The following ABCC1 variants were observed in gnomAD, a reference collection of about 807,000 sequenced individuals.
ABCC1 encodes the protein multidrug resistance-associated protein 1.
ABCC1 carries 83 observed loss-of-function variants against 172.9 expected under a neutral mutation model. That is an observed-to-expected ratio of 0.48 (90% CI 0.40 to 0.58). ABCC1 has a LOEUF of 0.58. ABCC1 is among the 20% of genes least tolerant of loss of function. The pLI, the probability that ABCC1 is intolerant of heterozygous loss-of-function variation, is 0.00. For missense variants in ABCC1, 1,817 were observed against 2,002.7 expected (o/e 0.91, Z 1.77); for synonymous variants, 937 against 825.2 (o/e 1.14, Z -2.32).
At chr16:16,031,039 A>T (rs2048542060) in intron 5 of ABCC1, among the ~76,000 whole-genome samples, 1 of 151,934 alleles carries the variant, frequency 6.6e-6, no homozygotes, top group Non-Finnish European at 1.5e-5. Context: ...GGTAGAGACG[A>T]GGTTTCATCA....
chr16:16,116,655 C>T (rs1037470903), intron 23 of ABCC1, among the ~76,000 whole-genome samples: 3 of 151,984 alleles, frequency 2.0e-5, no homozygotes, highest in Non-Finnish European at 2.9e-5. Context: ...ATCTGCCTCC[C>T]GGGTTCAAGT....
intron 22 of ABCC1, among the ~76,000 whole-genome samples, chr16:16,111,826 G>T (rs1046313242): frequency 6.6e-6 from 1 of 152,196 alleles, no homozygotes; most frequent in African/African-American, 2.4e-5. Flanking sequence ...TTTTACAGAT[G>T]AGGACAGTTG....
At chr16:16,056,429 G>A in intron 12 of ABCC1, 134 bp downstream of exon 12, 2 of 1,000,000 alleles carry the variant, frequency 2.0e-6, no homozygotes, top group Non-Finnish European at 2.9e-6. Flanking sequence ...CACTCTGGGA[G>A]GCCAAAGCAG....
At position 16,141,203 on chromosome 16, in the gene ABCC1, G is replaced by A. The variant is rs2046114036; in HGVS notation, c.4518G>A (p.Gln1506=). The change falls in exon 31 of 31, where the codon CAG becomes CAA. Residue 1506 remains glutamine (Q), a synonymous_variant. Transcript: ENST00000399410. The part of the protein sequence containing the change: ...RVIVLDKGEI[Q]EYGAPSDLLQ... ...TCGTCTTGGACAAAGGAGAAATCCAGGAGTACGGCGCCCCATCGGACCTCC... is the reference window on the plus strand; with the variant it reads ...TCGTCTTGGACAAAGGAGAAATCCAAGAGTACGGCGCCCCATCGGACCTCC... The A allele has an allele frequency of 6.2e-7, 1 of 1,613,864 alleles. No homozygotes were observed.
intron 1 of ABCC1, among the ~76,000 whole-genome samples, chr16:15,974,450 C>T (rs2046439842): frequency 6.6e-6 from 1 of 152,102 alleles, no homozygotes; most frequent in Non-Finnish European, 1.5e-5. Flanking sequence ...GGTGTGGTGA[C>T]TGCCTGTCTC....
chr16:16,126,154 A>G (rs1467987017), intron 26 of ABCC1, among the ~76,000 whole-genome samples: 1 of 152,198 alleles, frequency 6.6e-6, no homozygotes, highest in African/African-American at 2.4e-5. Flanking sequence ...GGATGCTGTC[A>G]GGGCATTCAG....
intron 5 of ABCC1, among the ~76,000 whole-genome samples, chr16:16,032,785 T>C (rs1385294855): frequency 2.0e-5 from 3 of 152,184 alleles, no homozygotes; most frequent in Non-Finnish European, 4.4e-5. Context: ...AAATATTTGT[T>C]GAATGAATGA....
At chr16:16,071,028 G>A (rs2050326028) in intron 13 of ABCC1, among the ~76,000 whole-genome samples, 1 of 152,016 alleles carries the variant, frequency 6.6e-6, no homozygotes, top group Non-Finnish European at 1.5e-5. Context: ...TTGCTGTTAC[G>A]TTTCCAGAGT....
At chr16:16,054,505 A>G (rs962355319) in intron 11 of ABCC1, among the ~76,000 whole-genome samples, 1 of 150,518 alleles carries the variant, frequency 6.6e-6, no homozygotes, top group African/African-American at 2.4e-5. Context: ...GTGCTGTGGA[A>G]TTTCAAATGG....
intron 1 of ABCC1, among the ~76,000 whole-genome samples, chr16:15,961,213 C>G (rs2046123369): frequency 6.6e-6 from 1 of 152,062 alleles, no homozygotes; most frequent in Admixed American, 6.6e-5. Flanking sequence ...AGAACCTTAA[C>G]TGAAACGTTT....
Position 16,114,929 on chromosome 16 carries a change from C to T in ABCC1, c.3243C>T (p.Asp1081=). 1 of 1,614,048 alleles carries T rather than the reference C, an allele frequency of 6.2e-7. No individual in the cohort carries two copies. Among genetic ancestry groups the T allele is most frequent in the Non-Finnish European group, 8.5e-7 (1 of 1,179,970 alleles). Residue 1081 remains aspartate, a synonymous_variant, in exon 23 of 31, where the codon GAC becomes GAT. Transcript: ENST00000399410. ...TGAACCGCTTCTCCAAGGAGCTGGACACAGTGGACTCCATGATCCCGGAGG... is the reference window on the plus strand; with the variant it reads ...TGAACCGCTTCTCCAAGGAGCTGGATACAGTGGACTCCATGATCCCGGAGG... ...NLVNRFSKEL[D]TVDSMIPEVI...
rs530406642 is a variant in ABCC1, at chr16:15,968,626, C to T, written c.48+18827C>T. On this transcript the variant is annotated intron_variant, in intron 1 of 30. Coordinates refer to ENST00000399410, the MANE Select transcript of ABCC1 (RefSeq NM_004996.4). The stretch of plus-strand genomic sequence containing the variant: ...TCATGACCTCAAGTGATCCACCTGC[C>T]GCAGCCTCCCAAAGTGCTGGGATTA... Among the ~76,000 whole-genome samples the T allele has an allele frequency of 5.8e-4, 88 of 152,136 alleles. 1 individual carries two copies. Among genetic ancestry groups the T allele is most frequent in the Non-Finnish European group, 1.2e-3 (79 of 68,024 alleles).
At chr16:16,096,834 C>G (rs944597988) in intron 19 of ABCC1, among the ~76,000 whole-genome samples, 4 of 152,186 alleles carry the variant, frequency 2.6e-5, no homozygotes, top group Admixed American at 1.3e-4. Flanking sequence ...CAGCACCTGG[C>G]TTGACAGCAT....
intron 10 of ABCC1, among the ~76,000 whole-genome samples, chr16:16,050,444 G>C (rs1424765303): frequency 6.6e-6 from 1 of 151,852 alleles, no homozygotes; most frequent in Non-Finnish European, 1.5e-5. Flanking sequence ...GGGCAACAGA[G>C]CGAGACTCTG....
intron 28 of ABCC1, among the ~76,000 whole-genome samples, chr16:16,135,486 G>A (rs45572932): frequency 0.013 from 2,020 of 151,914 alleles, 24 homozygotes; most frequent in Middle Eastern, 0.024. Context: ...TAACTGAGAC[G>A]GAGTCTCACT....
At chr16:16,009,155 C>T (rs1004590258) in intron 2 of ABCC1, among the ~76,000 whole-genome samples, 7 of 151,896 alleles carry the variant, frequency 4.6e-5, no homozygotes, top group Non-Finnish European at 8.8e-5. Flanking sequence ...GACAGGGTCT[C>T]GCCTTGTTGC....
intron 5 of ABCC1, among the ~76,000 whole-genome samples, chr16:16,026,753 C>CA (rs1597137165): frequency 1.3e-5 from 2 of 151,836 alleles, no homozygotes; most frequent in East Asian, 1.9e-4. Flanking sequence ...CCATCTCTAT[C>CA]AAAAAATCCA....
intron 24 of ABCC1, 129 bp from the exon 25 acceptor site, chr16:16,124,660 A>T (rs1404104302): frequency 1.5e-6 from 2 of 1,333,862 alleles, no homozygotes; most frequent in African/African-American, 2.9e-5. Flanking sequence ...GCCAGGAAGG[A>T]CTCTCTCTGG....
chr16:16,011,458 C>CT (rs1426497189), intron 3 of ABCC1, among the ~76,000 whole-genome samples: 1 of 151,948 alleles, frequency 6.6e-6, no homozygotes, highest in Non-Finnish European at 1.5e-5. Flanking sequence ...GACCATGAAT[C>CT]TTTATTTTTC....
Sources: gnomAD v4.1 joint callset for allele counts (sites outside exome capture counted in the v4.1 genomes callset) on GRCh38, gnomAD v4.1.1 for gene constraint, MANE v1.5 for transcripts, NCBI Gene and HGNC (gene_info 2026-07-23, HGNC 2026-07-21) for gene names.